SCOC: variants seen among roughly 807,000 people sequenced by gnomAD.
SCOC encodes short coiled coil protein.
A neutral mutation model predicts 9.9 loss-of-function variants in SCOC; 7 were observed. That is an observed-to-expected ratio of 0.71 (90% confidence interval 0.40 to 1.33). SCOC has a LOEUF of 1.33. SCOC is among the 40% of genes most tolerant of loss of function. The probability of loss-of-function intolerance (pLI) is 0.01; values close to 1 mark genes in which losing one functional copy is unlikely to be tolerated. For missense variants in SCOC, 66 were observed against 89.7 expected, an observed-to-expected ratio of 0.74 and a Z score of 1.07; for synonymous variants, 19 against 28.2, an observed-to-expected ratio of 0.67 and a Z score of 1.03.
chr4:140,316,866 C>T (rs971270922), intron 1 of SCOC, among the ~76,000 whole-genome samples: 14 of 152,112 alleles, frequency 9.2e-5, no homozygotes, highest in African/African-American at 3.4e-4. Flanking sequence ...GGTATGCAAG[C>T]AATACTAAAT....
At chr4:140,264,856 G>A (rs1454906216) in intron 1 of SCOC, among the ~76,000 whole-genome samples, 1 of 152,176 alleles carries the variant, frequency 6.6e-6, no homozygotes, top group African/African-American at 2.4e-5. Context: ...TTCGTTTAGA[G>A]TGCTGTCAGG....
chr4:140,261,333 C>T (rs1288389494), intron 1 of SCOC, among the ~76,000 whole-genome samples: 2 of 152,226 alleles, frequency 1.3e-5, no homozygotes, highest in East Asian at 1.9e-4. Flanking sequence ...CACCCCACCA[C>T]TCCAACAGCT....
intron 1 of SCOC, among the ~76,000 whole-genome samples, chr4:140,262,968 C>G (rs1200589023): frequency 6.6e-6 from 1 of 152,184 alleles, no homozygotes; most frequent in Non-Finnish European, 1.5e-5. Context: ...CAGGCCCCCC[C>G]TCCAACCCTG....
chr4:140,288,447 C>T (rs1731364776), intron 1 of SCOC, among the ~76,000 whole-genome samples: 1 of 128,832 alleles, frequency 7.8e-6, no homozygotes, highest in African/African-American at 4.5e-5. Flanking sequence ...CACATGTACA[C>T]ATCACACACA....
At position 140,295,856 on chromosome 4, in the gene SCOC, G is replaced by A. The variant is rs192788042; in HGVS notation, c.-19+38446G>A. On this transcript the variant is annotated intron_variant, in intron 1 of 4. Coordinates refer to the SCOC transcript ENST00000394205. Reference sequence around the variant, plus strand: ...TGAGGCAGGAGAATGGCGTGAACCCGGGAGGCGGAGCTTGCAGTGAGCCAA... The same window carrying A: ...TGAGGCAGGAGAATGGCGTGAACCCAGGAGGCGGAGCTTGCAGTGAGCCAA... Among the ~76,000 whole-genome samples the A allele has an allele frequency of 5.0e-3, 750 of 151,254 alleles. 5 individuals are homozygous for A. The highest frequency in any genetic ancestry group is 0.017 in the African/African-American group (697 of 41,150).
chr4:140,275,656 C>A (rs1159006078), intron 1 of SCOC, among the ~76,000 whole-genome samples: 2 of 152,062 alleles, frequency 1.3e-5, no homozygotes, highest in Non-Finnish European at 2.9e-5. Flanking sequence ...GAGTTTTATA[C>A]CCTTTTTATC....
intron 1 of SCOC, among the ~76,000 whole-genome samples, chr4:140,261,962 G>A (rs1730642063): frequency 6.6e-6 from 1 of 152,136 alleles, no homozygotes; most frequent in Non-Finnish European, 1.5e-5. Flanking sequence ...CAGAGAAGGA[G>A]AATTAAAACA....
chr4:140,267,624 C>T (rs139200880), intron 1 of SCOC, among the ~76,000 whole-genome samples: 2 of 152,222 alleles, frequency 1.3e-5, no homozygotes, highest in African/African-American at 4.8e-5. Context: ...AGCCGCGCAC[C>T]TCTCCCACTC....
Position 140,293,268 on chromosome 4 carries a change from G to T in SCOC, c.-19+35858G>T, listed in dbSNP as rs757742399. 2.3e-4 allele frequency: 103 copies of T among 456,228 alleles called. 1 individual carries two copies. Among genetic ancestry groups the T allele is most frequent in the Non-Finnish European group, 4.3e-4 (97 of 226,944 alleles). 28.3% of individuals were successfully genotyped at this position (456,228 alleles called of 1,614,324 possible). ...TAACCATACCCCACATACCACTCAAGATGGGCTCCTCCTTGTCAGGGAGGG... is the reference window on the plus strand; with the variant it reads ...TAACCATACCCCACATACCACTCAATATGGGCTCCTCCTTGTCAGGGAGGG... On this transcript the variant is annotated intron_variant, in intron 1 of 4. Coordinates refer to the SCOC transcript ENST00000394205.
chr4:140,269,581 C>A (rs760780752), intron 1 of SCOC, among the ~76,000 whole-genome samples: 3 of 152,050 alleles, frequency 2.0e-5, no homozygotes, highest in African/African-American at 7.2e-5. Flanking sequence ...CCTCATGAAA[C>A]GGAAGATTGA....
upstream of SCOC, among the ~76,000 whole-genome samples, chr4:140,340,524 G>T (rs1726468630): frequency 6.6e-6 from 1 of 151,420 alleles, no homozygotes; most frequent in African/African-American, 2.4e-5. Flanking sequence ...AATAAATTTT[G>T]GGCAACTGGA....
intron 1 of SCOC, among the ~76,000 whole-genome samples, chr4:140,293,072 C>T (rs773206840): frequency 1.3e-5 from 2 of 152,220 alleles, no homozygotes; most frequent in Non-Finnish European, 2.9e-5. Flanking sequence ...CTGTAGAACA[C>T]TTGTACCACT....
chr4:140,375,359 A>G (rs1038452071), intron 1 of SCOC, among the ~76,000 whole-genome samples: 5 of 152,370 alleles, frequency 3.3e-5, no homozygotes, highest in African/African-American at 9.6e-5. Flanking sequence ...CATTCTCACA[A>G]CAAACCCATG....
chr4:140,282,357 T>TA (rs1731120008), intron 1 of SCOC, among the ~76,000 whole-genome samples: 1 of 152,172 alleles, frequency 6.6e-6, no homozygotes, highest in Admixed American at 6.5e-5. Context: ...CATGAATTGC[T>TA]AACATGAATG....
chr4:140,356,914 C>G (rs1162387784), intron 2 of SCOC, among the ~76,000 whole-genome samples: 1 of 152,078 alleles, frequency 6.6e-6, no homozygotes, highest in Non-Finnish European at 1.5e-5. Context: ...CTCAGTATAT[C>G]CTTAGAGAAG....
chr4:140,345,053 A>G (rs562351253), intron 2 of SCOC, among the ~76,000 whole-genome samples: 1 of 152,228 alleles, frequency 6.6e-6, no homozygotes, highest in South Asian at 2.1e-4. Context: ...CCAGTGGAGG[A>G]AAGAGCAAGA....
In SCOC at chr4:140,280,676, A is replaced by G. The variant is rs147156237; in HGVS notation, c.-19+23266A>G. 3.3e-3 allele frequency among the ~76,000 whole-genome samples: 499 copies of G among 152,362 alleles called. 3 individuals carry two copies. Among genetic ancestry groups the G allele is most frequent in the African/African-American group, 0.011 (477 of 41,582 alleles). Reference sequence around the variant, plus strand: ...CCTGTGTTTTCATGGACTCCTAAAAAGAGCTAATTAAGTCTTTTTGACTTG... The same window carrying G: ...CCTGTGTTTTCATGGACTCCTAAAAGGAGCTAATTAAGTCTTTTTGACTTG... On this transcript the variant is annotated intron_variant, in intron 1 of 4. Coordinates refer to the SCOC transcript ENST00000394205.
intron 1 of SCOC, among the ~76,000 whole-genome samples, chr4:140,289,060 C>T (rs999056121): frequency 2.6e-5 from 4 of 152,142 alleles, no homozygotes; most frequent in Admixed American, 6.6e-5. Context: ...ACCTCACACA[C>T]AGACCATTAA....
At chr4:140,365,368 G>C (rs1203741344) in intron 2 of SCOC, among the ~76,000 whole-genome samples, 1 of 152,174 alleles carries the variant, frequency 6.6e-6, no homozygotes, top group Admixed American at 6.5e-5. Flanking sequence ...AGACAATCTG[G>C]CAGAAGGGTT....
Sources: gnomAD v4.1 joint callset for allele counts (sites outside exome capture counted in the v4.1 genomes callset) on GRCh38, gnomAD v4.1.1 for gene constraint, MANE v1.5 for transcripts, NCBI Gene and HGNC (gene_info 2026-07-23, HGNC 2026-07-21) for gene names.